Variants in TCF4 observed in about 807,000 individuals in gnomAD.
TCF4 encodes transcription factor 4.
In TCF4, 3 loss-of-function variants were observed where a neutral mutation model predicts 82.1. That is an observed-to-expected ratio of 0.04 (90% CI 0.02 to 0.09). The LOEUF (loss-of-function observed/expected upper bound fraction) is 0.09. Among genes scored for constraint, TCF4 ranks in the 10% least tolerant of loss-of-function variants. The probability of loss-of-function intolerance (pLI) is 1.00; values close to 1 mark genes in which losing one functional copy is unlikely to be tolerated. For missense variants in TCF4, 518 were observed against 852.7 expected (o/e 0.61, Z 4.89); for synonymous variants, 276 against 309.6 (o/e 0.89, Z 1.14).
At chr18:55,491,917 G>A (rs577167575) in intron 3 of TCF4, among the ~76,000 whole-genome samples, 17 of 152,322 alleles carry the variant, frequency 1.1e-4, no homozygotes, top group Non-Finnish European at 2.4e-4. Context: ...GTTGAGGGCA[G>A]TGCATTTAAT....
intron 3 of TCF4, among the ~76,000 whole-genome samples, chr18:55,545,664 G>A (rs1027244830): frequency 2.6e-5 from 4 of 152,090 alleles, no homozygotes; most frequent in Non-Finnish European, 2.9e-5. Context: ...TGGCCAGGCT[G>A]GTCTTGAACT....
chr18:55,303,976 T>G (rs1352902931), intron 8 of TCF4, among the ~76,000 whole-genome samples: 3 of 152,218 alleles, frequency 2.0e-5, no homozygotes, highest in African/African-American at 7.2e-5. Flanking sequence ...CTCATTTTCC[T>G]TTCTACGGTG....
At chr18:55,396,819 A>G (rs562104652) in intron 6 of TCF4, among the ~76,000 whole-genome samples, 1 of 152,366 alleles carries the variant, frequency 6.6e-6, no homozygotes, top group African/African-American at 2.4e-5. Context: ...AGGTAAGGAA[A>G]CATTAGAAAC....
chr18:55,451,575 A>C (rs550946875), intron 5 of TCF4, among the ~76,000 whole-genome samples: 1 of 152,342 alleles, frequency 6.6e-6, no homozygotes, highest in Admixed American at 6.5e-5. Context: ...ATGTGAACAA[A>C]GAAAGCAGTC....
intron 8 of TCF4, among the ~76,000 whole-genome samples, chr18:55,294,596 C>T (rs2066013939): frequency 6.6e-6 from 1 of 152,118 alleles, no homozygotes; most frequent in African/African-American, 2.4e-5. Context: ...GAACTTCTGG[C>T]CTTGTACCAG....
rs142840723 is a variant in TCF4, at chr18:55,253,944, C to G, written c.1350+553G>C. On this transcript the variant is annotated intron_variant, in intron 15 of 19. Coordinates refer to ENST00000354452, the MANE Select transcript of TCF4 (RefSeq NM_001083962.2). ...ACATGTGTCTGCACAAAAACTTAAA[C>G]ATGAATATTTATAGAAGCATTATTC... Among the ~76,000 whole-genome samples the G allele has an allele frequency of 2.8e-4, 42 of 152,300 alleles. 1 individual carries two copies. Among genetic ancestry groups the G allele is most frequent in the African/African-American group, 9.9e-4 (41 of 41,572 alleles).
intron 3 of TCF4, among the ~76,000 whole-genome samples, chr18:55,534,443 T>C (rs1016447812): frequency 2.0e-5 from 3 of 152,204 alleles, no homozygotes; most frequent in Admixed American, 6.5e-5. Context: ...TGAGGGATGG[T>C]AGACTTGGGA....
chr18:55,499,435 G>GT (rs2096673151), intron 3 of TCF4, among the ~76,000 whole-genome samples: 1 of 152,218 alleles, frequency 6.6e-6, no homozygotes, highest in African/African-American at 2.4e-5. Flanking sequence ...GGGAGGCACA[G>GT]TAACAGAGGA....
chr18:55,456,402 A>G (rs1476533701), intron 5 of TCF4, among the ~76,000 whole-genome samples: 1 of 152,214 alleles, frequency 6.6e-6, no homozygotes, highest in Non-Finnish European at 1.5e-5. Context: ...AAACTGAACC[A>G]TTCAAAATGG....
chr18:55,321,054 ACC>A (rs2075366324), intron 8 of TCF4, among the ~76,000 whole-genome samples: 1 of 152,134 alleles, frequency 6.6e-6, no homozygotes, highest in Non-Finnish European at 1.5e-5. Flanking sequence ...GCATGAATGA[ACC>A]CGTTTGTTTT....
chr18:55,542,168 GGAAA>G (rs2097170076), intron 3 of TCF4, among the ~76,000 whole-genome samples: 1 of 151,946 alleles, frequency 6.6e-6, no homozygotes, highest in South Asian at 2.1e-4. Context: ...AAGAGATTTA[GGAAA>G]GAACTACTAA....
chr18:55,459,713 G>A (rs1442639359), intron 5 of TCF4, among the ~76,000 whole-genome samples: 4 of 152,122 alleles, frequency 2.6e-5, no homozygotes, highest in Non-Finnish European at 5.9e-5. Flanking sequence ...CTGAGAACAA[G>A]AAACAATGCA....
chr18:55,563,752 T>C (rs1240391725), intron 3 of TCF4, among the ~76,000 whole-genome samples: 1 of 152,242 alleles, frequency 6.6e-6, no homozygotes, highest in Non-Finnish European at 1.5e-5. Flanking sequence ...TGGTGCTCAG[T>C]GAATGTCAGT....
At chr18:55,506,275 TAA>T (rs1434348782) in intron 3 of TCF4, among the ~76,000 whole-genome samples, 1 of 152,214 alleles carries the variant, frequency 6.6e-6, no homozygotes, top group African/African-American at 2.4e-5. Flanking sequence ...GATTCTATCA[TAA>T]AACTGTACTT....
intron 6 of TCF4, among the ~76,000 whole-genome samples, chr18:55,364,132 C>T (rs530628601): frequency 3.9e-5 from 6 of 152,178 alleles, no homozygotes; most frequent in Non-Finnish European, 7.4e-5. Flanking sequence ...TTCTGGAAGG[C>T]AAGTTAAAAT....
At chr18:55,619,926 A>T (rs891055165) in intron 2 of TCF4, among the ~76,000 whole-genome samples, 2 of 152,144 alleles carry the variant, frequency 1.3e-5, no homozygotes, top group African/African-American at 4.8e-5. Flanking sequence ...TCCCCACCCA[A>T]ATCTCACCTT....
intron 6 of TCF4, among the ~76,000 whole-genome samples, 194 bp downstream of exon 6, chr18:55,403,260 C>G (rs911637341): frequency 3.9e-5 from 6 of 152,292 alleles, no homozygotes; most frequent in Non-Finnish European, 5.9e-5. Flanking sequence ...AGTTCTGATA[C>G]AGCAGCGATC....
At chr18:55,301,396 AT>A (rs1478082786) in intron 8 of TCF4, among the ~76,000 whole-genome samples, 1 of 152,156 alleles carries the variant, frequency 6.6e-6, no homozygotes, top group Non-Finnish European at 1.5e-5. Context: ...ATTTGCAGAG[AT>A]TTGTTTGGAT....
intron 14 of TCF4, among the ~76,000 whole-genome samples, chr18:55,254,903 T>C (rs1391721118): frequency 2.0e-5 from 3 of 152,228 alleles, no homozygotes; most frequent in Non-Finnish European, 2.9e-5. Flanking sequence ...TATAGTGTTA[T>C]TTTTCATGAA....
Sources: gnomAD v4.1 joint callset for allele counts (sites outside exome capture counted in the v4.1 genomes callset) on GRCh38, gnomAD v4.1.1 for gene constraint, MANE v1.5 for transcripts, NCBI Gene and HGNC (gene_info 2026-07-23, HGNC 2026-07-21) for gene names.